The following DMXL1 variants were observed in gnomAD, a reference collection of about 807,000 sequenced individuals.
The protein encoded by DMXL1 is dmX-like protein 1.
DMXL1 carries 99 observed loss-of-function variants against 319.2 expected under a neutral mutation model. The ratio of observed to expected loss-of-function variants is 0.31; its 90% CI spans 0.26 to 0.37. The LOEUF is 0.37. Among genes scored for constraint, DMXL1 ranks in the 10% least tolerant of loss-of-function variants. The probability of loss-of-function intolerance (pLI) is 1.00; values close to 1 mark genes in which losing one functional copy is unlikely to be tolerated. For missense variants in DMXL1, 3,745 were observed against 3,595.6 expected, an observed-to-expected ratio of 1.04 and a Z score of -1.06; for synonymous variants, 1,385 against 1,235.2, an observed-to-expected ratio of 1.12 and a Z score of -2.54.
intron 5 of DMXL1, among the ~76,000 whole-genome samples, chr5:119,114,194 A>C (rs1760296706): frequency 6.6e-6 from 1 of 152,234 alleles, no homozygotes; most frequent in African/African-American, 2.4e-5. Flanking sequence ...TTAAAAAATG[A>C]AACCATTCTC....
At chr5:119,088,650 T>A in intron 1 of DMXL1, among the ~76,000 whole-genome samples, 1 of 152,202 alleles carries the variant, frequency 6.6e-6, no homozygotes, top group Non-Finnish European at 1.5e-5. Context: ...TTAAAGTATT[T>A]ATTATTGGTT....
intron 34 of DMXL1, among the ~76,000 whole-genome samples, chr5:119,210,875 T>C (rs747246964): frequency 4.0e-5 from 6 of 150,846 alleles, no homozygotes; most frequent in Non-Finnish European, 7.4e-5. Flanking sequence ...GAAAGCAGTC[T>C]TTTATTATTA....
intron 37 of DMXL1, among the ~76,000 whole-genome samples, chr5:119,223,356 C>T (rs1222927963): frequency 6.6e-6 from 1 of 152,156 alleles, no homozygotes; most frequent in Non-Finnish European, 1.5e-5. Flanking sequence ...CGTGCCCTGC[C>T]TTAAGTTGTC....
intron 1 of DMXL1, among the ~76,000 whole-genome samples, chr5:119,082,007 A>ATG (rs1465480857): frequency 1.1e-4 from 8 of 71,094 alleles, no homozygotes; most frequent in Non-Finnish European, 1.9e-4. Flanking sequence ...TTATATATAT[A>ATG]TATATATATA....
intron 38 of DMXL1, among the ~76,000 whole-genome samples, chr5:119,230,427 A>G (rs1201915244): frequency 6.6e-6 from 1 of 152,232 alleles, no homozygotes; most frequent in Non-Finnish European, 1.5e-5. Flanking sequence ...ATAATTATTA[A>G]AAATTAATTT....
intron 25 of DMXL1, 66 bp from the exon 26 acceptor site, chr5:119,175,195 G>C: frequency 8.3e-7 from 1 of 1,204,040 alleles, no homozygotes; most frequent in East Asian, 2.5e-5. Flanking sequence ...GATTATATTA[G>C]GTCTTGAAAA....
At chr5:119,173,870 T>C (rs1318149818) in intron 25 of DMXL1, among the ~76,000 whole-genome samples, 1 of 148,264 alleles carries the variant, frequency 6.7e-6, no homozygotes, top group Non-Finnish European at 1.5e-5. Flanking sequence ...AGATCTGCAG[T>C]TGGCAAGTTG....
rs187484819 is a variant in DMXL1 at position 119,175,485 on chromosome 5, A to G, written c.6758+148A>G. 1.9e-5 allele frequency: 11 copies of G among 571,532 alleles called. No homozygotes were observed. The East Asian group carries it at 3.6e-4, about 19-fold the overall frequency. The allele number at this position is 571,532 out of a possible 1,614,324, so 35.4% of individuals were successfully genotyped here. A position where few individuals can be genotyped will look rare whatever the true frequency, so the allele number is the denominator to read the frequency against. On this transcript the variant is annotated intron_variant, in intron 26 of 43. Transcript: ENST00000539542. ...GAGGTTTTGAGTACTTTTTGTTCATATTTGAAATTTTTATGGCAGATGAAT... is the reference window on the plus strand; with the variant it reads ...GAGGTTTTGAGTACTTTTTGTTCATGTTTGAAATTTTTATGGCAGATGAAT...
chr5:119,132,488 G>A (rs1765133675), intron 10 of DMXL1, among the ~76,000 whole-genome samples: 1 of 152,064 alleles, frequency 6.6e-6, no homozygotes, highest in South Asian at 2.1e-4. Flanking sequence ...AGACCAGCTT[G>A]ACCAAGATGG....
At chr5:119,099,301 T>C (rs1420484745) in intron 2 of DMXL1, among the ~76,000 whole-genome samples, 1 of 151,988 alleles carries the variant, frequency 6.6e-6, no homozygotes, top group African/African-American at 2.4e-5. Flanking sequence ...GCCTCTGGCT[T>C]CCGGGTTCAA....
chr5:119,078,671 C>G, intron 1 of DMXL1, among the ~76,000 whole-genome samples: 1 of 152,076 alleles, frequency 6.6e-6, no homozygotes, highest in East Asian at 1.9e-4. Context: ...AGGCTGGTCT[C>G]AAACTCCTGG....
intron 19 of DMXL1, 65 bp from the exon 20 acceptor site, chr5:119,164,442 C>A: frequency 1.4e-6 from 2 of 1,382,378 alleles, no homozygotes; most frequent in South Asian, 2.7e-5. Flanking sequence ...ATGGAACATA[C>A]ATTTCTGATA....
chr5:119,195,599 A>G (rs569396270), intron 30 of DMXL1, among the ~76,000 whole-genome samples: 1 of 152,290 alleles, frequency 6.6e-6, no homozygotes, highest in East Asian at 1.9e-4. Context: ...TGGGGAATGA[A>G]TTTAGAGTTT....
Position 119,189,750 on chromosome 5 carries a change from T to G in DMXL1, c.7178T>G (p.Phe2393Cys). ...GAAGGAGAAAAACAGAACAAACGTT[T>G]TAGGCCGTCAAAAATGTCTTGCAGA... ...VEEGEKQNKR[F>C]RPSKMSCRES... Residue 2393 changes from phenylalanine (F) to cysteine (C), a missense_variant, in exon 29 of 44, where the codon TTT (phenylalanine) becomes TGT (cysteine). Transcript: ENST00000539542. 1 of 1,614,118 alleles carries G rather than the reference T, an allele frequency of 6.2e-7. No homozygotes were observed. The highest frequency in any genetic ancestry group is 1.1e-5 in the South Asian group (1 of 91,088).
At chr5:119,148,112 G>A (rs1004081435) in intron 17 of DMXL1, among the ~76,000 whole-genome samples, 1 of 152,164 alleles carries the variant, frequency 6.6e-6, no homozygotes, top group Non-Finnish European at 1.5e-5. Context: ...AATAGTGCAT[G>A]ATTACTTTAA....
chr5:119,106,763 A>G (rs1040654709), intron 4 of DMXL1, among the ~76,000 whole-genome samples: 18 of 152,214 alleles, frequency 1.2e-4, no homozygotes, highest in Non-Finnish European at 2.9e-5. Context: ...GAGAAATAAG[A>G]ACTTATTTCA....
chr5:119,073,001 C>T (rs577732363), intron 1 of DMXL1, among the ~76,000 whole-genome samples: 2 of 152,298 alleles, frequency 1.3e-5, no homozygotes, highest in South Asian at 4.1e-4. Flanking sequence ...AATATTGTTG[C>T]ATTCTCTGTC....
chr5:119,169,668 T>TA (rs1774162279), intron 23 of DMXL1, among the ~76,000 whole-genome samples: 1 of 152,138 alleles, frequency 6.6e-6, no homozygotes, highest in African/African-American at 2.4e-5. Flanking sequence ...CCTTTGGATA[T>TA]AGGAGTTTAG....
chr5:119,123,382 A>G (rs941484813), intron 9 of DMXL1, among the ~76,000 whole-genome samples: 61 of 8,520 alleles, frequency 7.2e-3, no homozygotes, highest in South Asian at 0.01. Flanking sequence ...AGGGAGAGGG[A>G]GAGGAGGGAG....
Sources: gnomAD v4.1 joint callset for allele counts (sites outside exome capture counted in the v4.1 genomes callset) on GRCh38, gnomAD v4.1.1 for gene constraint, MANE v1.5 for transcripts, NCBI Gene and HGNC (gene_info 2026-07-23, HGNC 2026-07-21) for gene names.